GABRB3: variants seen among roughly 807,000 people sequenced by gnomAD.
The protein encoded by GABRB3 is gamma-aminobutyric acid type A receptor subunit beta3.
GABRB3 carries 14 observed loss-of-function variants against 52.1 expected under a neutral mutation model. That is an observed-to-expected ratio of 0.27 (90% CI 0.18 to 0.42). The LOEUF (loss-of-function observed/expected upper bound fraction) is 0.42, where lower values mean the gene tolerates loss of function less well. Among genes scored for constraint, GABRB3 ranks in the 10% least tolerant of loss-of-function variants. The probability of loss-of-function intolerance (pLI) is 1.00; values close to 1 mark genes in which losing one functional copy is unlikely to be tolerated. For missense variants in GABRB3, 307 were observed against 609.1 expected (o/e 0.50, Z 5.22); for synonymous variants, 260 against 232.3 (o/e 1.12, Z -1.08).
chr15:26,650,483 A>T (rs1887161176), intron 3 of GABRB3, among the ~76,000 whole-genome samples: 1 of 152,010 alleles, frequency 6.6e-6, no homozygotes, highest in Non-Finnish European at 1.5e-5. Flanking sequence ...CTCAGAAGTA[A>T]ATGGAAATAG....
intron 3 of GABRB3, among the ~76,000 whole-genome samples, chr15:26,725,135 A>G (rs1889737691): frequency 6.6e-6 from 1 of 152,140 alleles, no homozygotes; most frequent in Non-Finnish European, 1.5e-5. Flanking sequence ...TGCTACAGGT[A>G]TCTGTAGAAT....
chr15:26,765,007 G>A (rs1001387127), intron 3 of GABRB3, among the ~76,000 whole-genome samples: 9 of 151,656 alleles, frequency 5.9e-5, no homozygotes, highest in Admixed American at 5.9e-4. Context: ...GCGGGCACCT[G>A]TAGTCCCAGC....
Position 26,629,340 on chromosome 15 carries a change from G to A in GABRB3, c.241-7806C>T, listed in dbSNP as rs112616098. 2.6e-5 allele frequency among the ~76,000 whole-genome samples: 4 copies of A among 152,364 alleles called. 1 individual carries two copies. Among genetic ancestry groups the A allele is most frequent in the African/African-American group, 7.2e-5 (3 of 41,596 alleles). ...CCCAGCTCAGGAGCCTGGCGGGCAA[G>A]CTCCTCCCTGTGCGCGGCGCTGTGC... is the stretch of plus-strand genomic sequence containing the variant. On this transcript the variant is annotated intron_variant, in intron 3 of 8. Coordinates refer to ENST00000311550, the MANE Select transcript of GABRB3 (RefSeq NM_000814.6).
chr15:26,768,401 TCAAA>T (rs1215955220), intron 3 of GABRB3, among the ~76,000 whole-genome samples: 2 of 152,214 alleles, frequency 1.3e-5, no homozygotes, highest in East Asian at 3.8e-4. Context: ...AATTAACAGA[TCAAA>T]CAATGGCTCA....
chr15:26,693,703 G>C (rs1178404974), intron 3 of GABRB3, among the ~76,000 whole-genome samples: 1 of 152,202 alleles, frequency 6.6e-6, no homozygotes, highest in Non-Finnish European at 1.5e-5. Context: ...GAGAGAGAGA[G>C]AGAGATAGAT....
chr15:26,657,598 T>C (rs1887414924), intron 3 of GABRB3, among the ~76,000 whole-genome samples: 1 of 152,208 alleles, frequency 6.6e-6, no homozygotes, highest in Non-Finnish European at 1.5e-5. Context: ...TTAGGTGCTT[T>C]ATATATGTGG....
chr15:26,564,009 G>A (rs536107488), intron 7 of GABRB3, among the ~76,000 whole-genome samples: 56 of 152,150 alleles, frequency 3.7e-4, no homozygotes, highest in African/African-American at 1.2e-3. Context: ...ATCAGTATAC[G>A]TTTTTACCTT....
At chr15:26,607,341 C>G (rs1891874825) in intron 4 of GABRB3, among the ~76,000 whole-genome samples, 1 of 152,078 alleles carries the variant, frequency 6.6e-6, no homozygotes, top group African/African-American at 2.4e-5. Context: ...ATCAATGTGG[C>G]AAGAGGATTG....
chr15:26,756,872 A>C (rs1890678707), intron 3 of GABRB3, among the ~76,000 whole-genome samples: 1 of 152,104 alleles, frequency 6.6e-6, no homozygotes, highest in Non-Finnish European at 1.5e-5. Flanking sequence ...TGCAGCTCTG[A>C]AAACCCCTGG....
chr15:26,560,525 A>G (rs187115045), intron 8 of GABRB3, among the ~76,000 whole-genome samples: 16 of 152,310 alleles, frequency 1.1e-4, no homozygotes, highest in Admixed American at 3.9e-4. Context: ...TGAGAGGAAG[A>G]AAGCCTAGGT....
intron 3 of GABRB3, chr15:26,629,265 A>C: frequency 8.5e-7 from 1 of 1,181,376 alleles, no homozygotes; most frequent in Non-Finnish European, 1.1e-6. Context: ...GAGAGGGAGG[A>C]GGCGTGGTCT....
intron 4 of GABRB3, among the ~76,000 whole-genome samples, chr15:26,596,885 A>G (rs753052655): frequency 1.1e-4 from 16 of 152,172 alleles, no homozygotes; most frequent in Non-Finnish European, 2.1e-4. Context: ...GGTAAGTCCA[A>G]GGTAGAGAAC....
intron 4 of GABRB3, among the ~76,000 whole-genome samples, chr15:26,609,467 TCTA>T (rs1195221163): frequency 2.0e-5 from 3 of 152,268 alleles, no homozygotes; most frequent in South Asian, 2.1e-4. Context: ...ATGAAACAAA[TCTA>T]CTCGATATAA....
intron 3 of GABRB3, chr15:26,629,204 G>C: frequency 6.9e-7 from 1 of 1,443,958 alleles, no homozygotes; most frequent in Non-Finnish European, 9.1e-7. Flanking sequence ...GCGAAGCGGC[G>C]GCAATCAGGG....
intron 3 of GABRB3, among the ~76,000 whole-genome samples, chr15:26,703,714 AAG>A (rs1889009114): frequency 6.6e-6 from 1 of 152,230 alleles, no homozygotes; most frequent in Non-Finnish European, 1.5e-5. Context: ...ATAGTGCCAA[AAG>A]AGAGGAAAGA....
At chr15:26,665,317 T>C (rs1286284700) in intron 3 of GABRB3, among the ~76,000 whole-genome samples, 1 of 152,110 alleles carries the variant, frequency 6.6e-6, no homozygotes, top group Non-Finnish European at 1.5e-5. Context: ...GAAGAAATCT[T>C]CAAGATCATA....
At chr15:26,549,730 A>C (rs571970419) in intron 8 of GABRB3, among the ~76,000 whole-genome samples, 8 of 152,142 alleles carry the variant, frequency 5.3e-5, no homozygotes, top group Non-Finnish European at 1.2e-4. Context: ...TCCAGCATCC[A>C]ATCAGATTGA....
At chr15:26,656,015 G>T (rs912178162) in intron 3 of GABRB3, among the ~76,000 whole-genome samples, 3 of 152,134 alleles carry the variant, frequency 2.0e-5, no homozygotes, top group African/African-American at 7.2e-5. Flanking sequence ...TGGCAAGTTA[G>T]TTTTCCTTTC....
chr15:26,619,165 T>C (rs899145056), intron 4 of GABRB3, among the ~76,000 whole-genome samples: 49 of 152,168 alleles, frequency 3.2e-4, no homozygotes, highest in South Asian at 8.3e-4. Context: ...ATCCCATTAC[T>C]GGATATATAC....
Sources: gnomAD v4.1 joint callset for allele counts (sites outside exome capture counted in the v4.1 genomes callset) on GRCh38, gnomAD v4.1.1 for gene constraint, MANE v1.5 for transcripts, NCBI Gene and HGNC (gene_info 2026-07-23, HGNC 2026-07-21) for gene names.